Variants in FAT4 observed in about 807,000 individuals in gnomAD.
The protein encoded by FAT4 is protocadherin Fat 4.
FAT4 carries 84 observed loss-of-function variants against 303.9 expected under a neutral mutation model. That is an observed-to-expected ratio of 0.28 (90% CI 0.23 to 0.33). The LOEUF is 0.33. Among genes scored for constraint, FAT4 ranks in the 10% least tolerant of loss-of-function variants. FAT4 has a pLI of 1.00. For synonymous variants in FAT4, 2,307 were observed against 2,298.8 expected, an observed-to-expected ratio of 1.00 and a Z score of -0.10; for missense variants, 6,005 against 6,146.8, an observed-to-expected ratio of 0.98 and a Z score of 0.77.
chr4:125,398,981 T>A, intron 3 of FAT4, 66 bp downstream of exon 3: 2 of 1,479,736 alleles, frequency 1.4e-6, no homozygotes, highest in South Asian at 1.2e-5. Flanking sequence ...ATTTCTAGGA[T>A]ATGTTGACTA....
intron 16 of FAT4, among the ~76,000 whole-genome samples, chr4:125,482,923 A>G (rs539999804): frequency 6.6e-6 from 1 of 152,288 alleles, no homozygotes; most frequent in East Asian, 1.9e-4. Context: ...ATTTCCAACT[A>G]GGATAGATTT....
At chr4:125,348,763 C>T (rs910106238) in intron 2 of FAT4, among the ~76,000 whole-genome samples, 4 of 151,382 alleles carry the variant, frequency 2.6e-5, no homozygotes, top group African/African-American at 4.8e-5. Context: ...TGATCGAAGC[C>T]GACATCTTTT....
intron 7 of FAT4, among the ~76,000 whole-genome samples, chr4:125,424,261 T>C (rs1000135486): frequency 2.0e-5 from 3 of 152,118 alleles, no homozygotes; most frequent in African/African-American, 4.8e-5. Flanking sequence ...TAGTGGGTGG[T>C]AATTAAATCA....
In FAT4 at chr4:125,452,199, A is replaced by T. The variant is rs1325230082; in HGVS notation, c.11189A>T (p.Asn3730Ile). The T allele has an allele frequency of 6.2e-7, 1 of 1,614,250 alleles. No individual in the cohort carries two copies. Among genetic ancestry groups the T allele is most frequent in the Non-Finnish European group, 8.5e-7 (1 of 1,180,042 alleles). Reference protein sequence around the residue: ...GVPTVKDFLTNHYLHFLRIAS... With the variant: ...GVPTVKDFLTIHYLHFLRIAS... ...CCAACAGTAAAGGACTTCTTGACCAACCACTATCTTCATTTTTTACGCATT... is the reference window on the plus strand; with the variant it reads ...CCAACAGTAAAGGACTTCTTGACCATCCACTATCTTCATTTTTTACGCATT... Residue 3730 changes from asparagine (N) to isoleucine (I), a missense_variant, in exon 10 of 18, where the codon AAC becomes ATC. Coordinates refer to ENST00000394329, the MANE Select transcript of FAT4 (RefSeq NM_001291303.3).
At chr4:125,452,900 C>A (rs1726149409) in intron 10 of FAT4, 90 bp downstream of exon 10, 1 of 1,416,602 alleles carries the variant, frequency 7.1e-7, no homozygotes, top group Non-Finnish European at 9.6e-7. Context: ...CAATGATTTT[C>A]ATATAAATGA....
At chr4:125,443,383 G>C (rs559840955) in intron 8 of FAT4, among the ~76,000 whole-genome samples, 1 of 152,106 alleles carries the variant, frequency 6.6e-6, no homozygotes, top group African/African-American at 2.4e-5. Context: ...CTTCGCAATT[G>C]GTACATTTTC....
chr4:125,342,538 T>A (rs1036071926), intron 2 of FAT4, among the ~76,000 whole-genome samples: 4 of 152,020 alleles, frequency 2.6e-5, no homozygotes, highest in African/African-American at 9.6e-5. Flanking sequence ...TTTTTATTAG[T>A]ATATGGCAAA....
intron 5 of FAT4, among the ~76,000 whole-genome samples, chr4:125,409,005 T>C (rs1314426597): frequency 6.6e-6 from 1 of 152,134 alleles, no homozygotes; most frequent in Non-Finnish European, 1.5e-5. Context: ...AAACATACCT[T>C]GTATTGTTTT....
At chr4:125,453,671 A>T (rs575275291) in intron 10 of FAT4, among the ~76,000 whole-genome samples, 1 of 151,026 alleles carries the variant, frequency 6.6e-6, no homozygotes, top group South Asian at 2.1e-4. Flanking sequence ...GCGTCACTGC[A>T]CTCCAGCCTG....
intron 7 of FAT4, among the ~76,000 whole-genome samples, chr4:125,427,058 G>T (rs543886594): frequency 4.6e-5 from 7 of 152,016 alleles, no homozygotes; most frequent in South Asian, 2.1e-4. Context: ...TTAGGTGGTA[G>T]CCTCTAGTGT....
chr4:125,368,570 C>T (rs1453740113), intron 2 of FAT4, among the ~76,000 whole-genome samples: 1 of 147,602 alleles, frequency 6.8e-6, no homozygotes, highest in East Asian at 2.0e-4. Flanking sequence ...AATGTTAACC[C>T]TTTCTATCAA....
intron 2 of FAT4, among the ~76,000 whole-genome samples, chr4:125,380,455 A>G (rs2125998320): frequency 6.6e-6 from 1 of 152,210 alleles, no homozygotes; most frequent in African/African-American, 2.4e-5. Context: ...AATTTGCATA[A>G]TGCTTTTACA....
Position 125,491,697 on chromosome 4 carries a change from G to A in FAT4, c.14881G>A (p.Ala4961Thr). The change falls in exon 18 of 18, where the codon GCA becomes ACA. Residue 4961 changes from alanine (A) to threonine (T), a missense_variant. Ala to Thr is a moderately conservative substitution (Grantham distance 58). Coordinates refer to ENST00000394329, the MANE Select transcript of FAT4 (RefSeq NM_001291303.3). The part of the protein sequence containing the change: ...DLASLPEKAA[A>T]NEEGKAGTTK... ...GGCATCTCTTCCAGAAAAAGCAGCA[G>A]CAAATGAAGAAGGCAAAGCTGGGAC... The A allele has an allele frequency of 6.2e-7, 1 of 1,614,160 alleles. No individual in the cohort carries two copies. Among genetic ancestry groups the A allele is most frequent in the South Asian group, 1.1e-5 (1 of 91,084 alleles).
Position 125,449,227 on chromosome 4 carries a change from T to C in FAT4, c.8217T>C (p.Ser2739=). The change falls in exon 10 of 18, where the codon TCT becomes TCC. Residue 2739 remains serine, a synonymous_variant. Transcript: ENST00000394329. ...GACCTTTGGACAGGGAAAAAGTATC[T>C]CATTATGTCCTAACCATAAAATCAT... ...SVRPLDREKV[S]HYVLTIKSSD... 2 of 1,613,974 alleles carry C rather than the reference T, an allele frequency of 1.2e-6. No individual in the cohort carries two copies. The highest frequency in any genetic ancestry group is 1.7e-5 in the Admixed American group (1 of 59,988).
chr4:125,324,774 G>A (rs1731088483), intron 2 of FAT4, among the ~76,000 whole-genome samples: 1 of 152,150 alleles, frequency 6.6e-6, no homozygotes, highest in South Asian at 2.1e-4. Context: ...TGGAGACTTT[G>A]TGTAAGCATG....
At chr4:125,420,254 C>T (rs1360040297) in intron 7 of FAT4, among the ~76,000 whole-genome samples, 1 of 152,026 alleles carries the variant, frequency 6.6e-6, no homozygotes, top group Non-Finnish European at 1.5e-5. Flanking sequence ...TTACCTTATC[C>T]TTCTCTATCA....
At chr4:125,413,426 G>A (rs1236989064) in intron 5 of FAT4, among the ~76,000 whole-genome samples, 1 of 151,698 alleles carries the variant, frequency 6.6e-6, no homozygotes. Context: ...AAGATTAAAA[G>A]TCACAACTCA....
At chr4:125,466,407 G>A (rs1311173750) in intron 11 of FAT4, among the ~76,000 whole-genome samples, 1 of 151,802 alleles carries the variant, frequency 6.6e-6, no homozygotes, top group Non-Finnish European at 1.5e-5. Flanking sequence ...TTATTCAGAA[G>A]AGACCTAAGT....
intron 10 of FAT4, among the ~76,000 whole-genome samples, chr4:125,461,595 T>C (rs1358641407): frequency 1.3e-5 from 2 of 152,032 alleles, no homozygotes; most frequent in Non-Finnish European, 2.9e-5. Flanking sequence ...TTTATACATG[T>C]TACTTTTAAC....
Sources: gnomAD v4.1 joint callset for allele counts (sites outside exome capture counted in the v4.1 genomes callset) on GRCh38, gnomAD v4.1.1 for gene constraint, MANE v1.5 for transcripts, NCBI Gene and HGNC (gene_info 2026-07-23, HGNC 2026-07-21) for gene names.